Variants in RAD51B observed in about 807,000 individuals in gnomAD.
RAD51B encodes RAD51 paralog B, also known as DNA repair protein RAD51 homolog 2.
Under a neutral mutation model 42.2 loss-of-function variants are expected in RAD51B, and 38 were observed. The observed-to-expected ratio is 0.90, with a 90% CI of 0.70 to 1.18. The LOEUF (loss-of-function observed/expected upper bound fraction) is 1.18, where lower values mean the gene tolerates loss of function less well. RAD51B is among the 50% of genes most tolerant of loss of function. RAD51B has a pLI of 0.00. For missense variants in RAD51B, 373 were observed against 400.7 expected, an observed-to-expected ratio of 0.93 and a Z score of 0.59; for synonymous variants, 154 against 145.2, an observed-to-expected ratio of 1.06 and a Z score of -0.43.
chr14:68,054,450 G>A (rs529626177), intron 7 of RAD51B, among the ~76,000 whole-genome samples: 2 of 152,236 alleles, frequency 1.3e-5, no homozygotes, highest in Middle Eastern at 3.4e-3. Flanking sequence ...GTAAAACTAT[G>A]AATTCATATT....
At chr14:68,121,593 C>T (rs411547) in intron 7 of RAD51B, among the ~76,000 whole-genome samples, 44,270 of 151,896 alleles carry the variant, frequency 0.29, 9,150 homozygotes, top group African/African-American at 0.59. Flanking sequence ...AATGATCACC[C>T]TTATTCCTAC....
At chr14:68,582,382 C>T (rs369861296) in intron 10 of RAD51B, among the ~76,000 whole-genome samples, 8 of 152,282 alleles carry the variant, frequency 5.3e-5, no homozygotes, top group Middle Eastern at 3.4e-3. Context: ...GACATTTATG[C>T]GGTCAACAAA....
chr14:68,500,988 T>C (rs1343007535), intron 10 of RAD51B, among the ~76,000 whole-genome samples: 2 of 152,190 alleles, frequency 1.3e-5, no homozygotes, highest in Non-Finnish European at 2.9e-5. Flanking sequence ...CTCTGACTGT[T>C]TGGGGTCCCT....
chr14:67,869,420 G>A (rs937733133), intron 5 of RAD51B, among the ~76,000 whole-genome samples: 5 of 152,166 alleles, frequency 3.3e-5, no homozygotes, highest in Admixed American at 6.5e-5. Flanking sequence ...AAGCCTCCAA[G>A]AAATATGGGA....
chr14:68,270,189 A>G (rs2139581352), intron 7 of RAD51B, among the ~76,000 whole-genome samples: 1 of 152,352 alleles, frequency 6.6e-6, no homozygotes, highest in Non-Finnish European at 1.5e-5. Context: ...AGCCCAAAAC[A>G]GGAGAAGCCC....
chr14:67,916,112 G>A (rs2044141975), intron 7 of RAD51B, among the ~76,000 whole-genome samples: 1 of 152,264 alleles, frequency 6.6e-6, no homozygotes, highest in South Asian at 2.1e-4. Flanking sequence ...AGTTTCTCTG[G>A]CAATCTGGTT....
At chr14:68,577,218 C>A (rs1019929391) in intron 10 of RAD51B, among the ~76,000 whole-genome samples, 3 of 152,104 alleles carry the variant, frequency 2.0e-5, no homozygotes, top group Non-Finnish European at 4.4e-5. Context: ...CACATGGGTC[C>A]GGGAGAGAGT....
At chr14:68,333,315 A>C (rs1452449429) in intron 8 of RAD51B, among the ~76,000 whole-genome samples, 4 of 152,268 alleles carry the variant, frequency 2.6e-5, no homozygotes, top group African/African-American at 9.6e-5. Flanking sequence ...CAACTTTACA[A>C]GTCATTAAGG....
chr14:68,390,339 T>G (rs1294429203), intron 8 of RAD51B, among the ~76,000 whole-genome samples: 1 of 152,256 alleles, frequency 6.6e-6, no homozygotes, highest in African/African-American at 2.4e-5. Flanking sequence ...GAGCTTAGCC[T>G]GTTATCATTT....
At chr14:68,011,246 A>G (rs193020670) in intron 7 of RAD51B, among the ~76,000 whole-genome samples, 367 of 152,164 alleles carry the variant, frequency 2.4e-3, no homozygotes, top group Non-Finnish European at 3.7e-3. Flanking sequence ...AGAGGGGTGT[A>G]TATGAACCTT....
At chr14:68,300,785 G>A (rs911141143) in intron 8 of RAD51B, among the ~76,000 whole-genome samples, 3 of 152,120 alleles carry the variant, frequency 2.0e-5, no homozygotes, top group Non-Finnish European at 4.4e-5. Flanking sequence ...CCATGTATAA[G>A]TTACCTCATA....
chr14:68,024,204 T>G (rs2140355991), intron 7 of RAD51B, among the ~76,000 whole-genome samples: 1 of 152,306 alleles, frequency 6.6e-6, no homozygotes, highest in Non-Finnish European at 1.5e-5. Context: ...GATCTATGTG[T>G]TTTTATACCA....
intron 11 of RAD51B, among the ~76,000 whole-genome samples, chr14:68,674,250 CTA>C (rs1172625465): frequency 3.3e-5 from 5 of 152,076 alleles, no homozygotes; most frequent in Non-Finnish European, 5.9e-5. Flanking sequence ...CACGTACACA[CTA>C]TATACACATA....
At chr14:68,235,703 CAAAAAAAAAAAAAAAA>C (rs57180468) in intron 7 of RAD51B, among the ~76,000 whole-genome samples, 11 of 14,068 alleles carry the variant, frequency 7.8e-4, no homozygotes, top group Non-Finnish European at 1.5e-3. Flanking sequence ...GACTCCGTCT[CAAAAAAAAAAAAAAAA>C]AAAAAAAAAA....
chr14:68,016,590 A>G (rs1216526980), intron 7 of RAD51B, among the ~76,000 whole-genome samples: 2 of 152,224 alleles, frequency 1.3e-5, no homozygotes, highest in Non-Finnish European at 2.9e-5. Context: ...GTGTTTAACA[A>G]CTGGCTTAGA....
chr14:67,899,385 A>G (rs1332794379), intron 7 of RAD51B, among the ~76,000 whole-genome samples: 1 of 152,098 alleles, frequency 6.6e-6, no homozygotes, highest in Non-Finnish European at 1.5e-5. Context: ...TCTGCTGGGA[A>G]ATATCTTCTT....
chr14:68,652,545 A>G (rs1249825698), intron 11 of RAD51B, among the ~76,000 whole-genome samples: 1 of 152,178 alleles, frequency 6.6e-6, no homozygotes, highest in African/African-American at 2.4e-5. Flanking sequence ...GTTCTTGCCC[A>G]ACCTTCACTT....
chr14:68,599,686 C>T (rs143441252), downstream of RAD51B, among the ~76,000 whole-genome samples: 1 of 152,196 alleles, frequency 6.6e-6, no homozygotes, highest in East Asian at 1.9e-4. Flanking sequence ...ATCAGGAAAT[C>T]GGTCTGGACC....
chr14:68,146,043 C>T (rs2078241353), intron 7 of RAD51B, among the ~76,000 whole-genome samples: 1 of 48,868 alleles, frequency 2.0e-5, no homozygotes. Context: ...ATAAAGGGGC[C>T]CAGGACTGTT....
Sources: gnomAD v4.1 joint callset for allele counts (sites outside exome capture counted in the v4.1 genomes callset) on GRCh38, gnomAD v4.1.1 for gene constraint, MANE v1.5 for transcripts, NCBI Gene and HGNC (gene_info 2026-07-23, HGNC 2026-07-21) for gene names.